The following NLK variants were observed in gnomAD, a reference collection of about 807,000 sequenced individuals.
NLK encodes the protein nemo like kinase, also known as serine/threonine-protein kinase NLK.
In NLK, 11 loss-of-function variants were observed where a neutral mutation model predicts 59.0. That is an observed-to-expected ratio of 0.19 (90% confidence interval 0.12 to 0.31). NLK has a LOEUF of 0.31. Among genes scored for constraint, NLK ranks in the 10% least tolerant of loss-of-function variants. NLK has a pLI of 1.00. For missense variants in NLK, 410 were observed against 661.1 expected (o/e 0.62, Z 4.16); for synonymous variants, 235 against 235.9 (o/e 1.00, Z 0.03).
chr17:28,085,654 C>G (rs1211347160), intron 1 of NLK, among the ~76,000 whole-genome samples: 1 of 152,078 alleles, frequency 6.6e-6, no homozygotes, highest in Non-Finnish European at 1.5e-5. Context: ...GACAGGAGAA[C>G]CGCTTGAACC....
chr17:28,110,771 C>G (rs1181068747), intron 1 of NLK, among the ~76,000 whole-genome samples: 1 of 151,932 alleles, frequency 6.6e-6, no homozygotes, highest in African/African-American at 2.4e-5. Context: ...GTTGATATTC[C>G]CTGTTGAGTC....
chr17:28,098,787 A>C (rs1904798878), intron 1 of NLK, among the ~76,000 whole-genome samples: 1 of 142,890 alleles, frequency 7.0e-6, no homozygotes, highest in Non-Finnish European at 1.5e-5. Context: ...GGTTCAAGTG[A>C]TTTTCCTGCC....
chr17:28,135,733 T>C (rs1182946015), intron 3 of NLK, among the ~76,000 whole-genome samples: 1 of 152,188 alleles, frequency 6.6e-6, no homozygotes, highest in Non-Finnish European at 1.5e-5. Flanking sequence ...GCCAAAGATA[T>C]TTAGGTTCTC....
chr17:28,197,899 GACTTT>G (rs1567745148), downstream of NLK, among the ~76,000 whole-genome samples: 2 of 152,168 alleles, frequency 1.3e-5, no homozygotes, highest in East Asian at 1.9e-4. Flanking sequence ...AAAGGGGACT[GACTTT>G]ACTTCAAGAA....
intron 10 of NLK, 85 bp from the exon 11 acceptor site, chr17:28,194,497 G>A: frequency 1.1e-6 from 1 of 919,670 alleles, no homozygotes; most frequent in South Asian, 1.9e-5. Context: ...TTTTTCAGAG[G>A]AAGAGAGGAA....
intron 1 of NLK, among the ~76,000 whole-genome samples, chr17:28,090,739 G>T (rs1210139048): frequency 5.9e-5 from 9 of 151,624 alleles, no homozygotes. Flanking sequence ...ATTTTTGCTG[G>T]GTATGCAATT....
chr17:28,172,027 A>C (rs2142057371), intron 6 of NLK, among the ~76,000 whole-genome samples: 1 of 151,584 alleles, frequency 6.6e-6, no homozygotes, highest in Non-Finnish European at 1.5e-5. Flanking sequence ...TAGGAATGGA[A>C]TATATAGGAT....
At chr17:28,121,520 T>TC (rs1906057219) in intron 1 of NLK, among the ~76,000 whole-genome samples, 1 of 143,556 alleles carries the variant, frequency 7.0e-6, no homozygotes, top group Non-Finnish European at 1.5e-5. Flanking sequence ...TTTTTTTTTT[T>TC]GAGACAGAGT....
intron 7 of NLK, among the ~76,000 whole-genome samples, chr17:28,177,818 A>G (rs909281430): frequency 2.1e-4 from 32 of 152,216 alleles, no homozygotes; most frequent in Non-Finnish European, 5.9e-5. Flanking sequence ...TCTGGAGCAG[A>G]TAGAGTAGCT....
intron 1 of NLK, among the ~76,000 whole-genome samples, chr17:28,071,972 T>G (rs909270881): frequency 4.6e-5 from 7 of 152,216 alleles, no homozygotes; most frequent in African/African-American, 1.7e-4. Context: ...TTCATTTACG[T>G]TCTTTGAGTT....
At chr17:28,168,803 A>G in intron 6 of NLK, 146 bp downstream of exon 6, 1 of 628,834 alleles carries the variant, frequency 1.6e-6, no homozygotes, top group Non-Finnish European at 2.8e-6. Flanking sequence ...AGAAAGTTAT[A>G]AAGTTGAAGA....
chr17:28,078,276 T>G (rs1910234118), intron 1 of NLK, among the ~76,000 whole-genome samples: 1 of 152,204 alleles, frequency 6.6e-6, no homozygotes, highest in Non-Finnish European at 1.5e-5. Flanking sequence ...CATGCCTTTT[T>G]TCAAGCATTG....
chr17:28,149,209 C>T (rs1907382225), intron 3 of NLK, among the ~76,000 whole-genome samples: 2 of 152,062 alleles, frequency 1.3e-5, no homozygotes, highest in African/African-American at 2.4e-5. Context: ...AATACAGGTG[C>T]GCACCACCAC....
chr17:28,156,995 G>T (rs999692978), intron 3 of NLK, among the ~76,000 whole-genome samples: 1 of 151,936 alleles, frequency 6.6e-6, no homozygotes, highest in Non-Finnish European at 1.5e-5. Context: ...TGAACATTTA[G>T]TCTATTTTGT....
rs201262370 is a variant in NLK, at chr17:28,122,780, A to G, written c.588+48A>G. ...GGAAACTATTTCCTAAGCCTCCTGC[A>G]TTGAATTAGTAAAGAGCAGATGAAA... On this transcript the variant is annotated intron_variant, in intron 2 of 10. Transcript: ENST00000407008. The G allele has an allele frequency of 3.1e-6, 5 of 1,607,268 alleles. No individual in the cohort carries two copies. The Admixed American group carries it at 6.7e-5, about 22-fold the overall frequency.
intron 9 of NLK, among the ~76,000 whole-genome samples, chr17:28,191,509 A>G (rs1909306394): frequency 6.6e-6 from 1 of 152,228 alleles, no homozygotes; most frequent in South Asian, 2.1e-4. Context: ...CATTGATTCA[A>G]ACGTATTGAA....
chr17:28,185,606 A>G (rs1909085710), intron 8 of NLK, among the ~76,000 whole-genome samples: 1 of 152,066 alleles, frequency 6.6e-6, no homozygotes, highest in Non-Finnish European at 1.5e-5. Context: ...TGGAGTGCAG[A>G]GGTGTGATCT....
intron 3 of NLK, among the ~76,000 whole-genome samples, chr17:28,145,432 C>T (rs1333139979): frequency 6.6e-6 from 1 of 152,136 alleles, no homozygotes; most frequent in Admixed American, 6.5e-5. Context: ...AGAGGTCTCA[C>T]AGAAACTAGT....
chr17:28,138,355 C>T (rs1906847724), intron 3 of NLK, among the ~76,000 whole-genome samples: 1 of 152,100 alleles, frequency 6.6e-6, no homozygotes, highest in Non-Finnish European at 1.5e-5. Flanking sequence ...GTGGAGTGTC[C>T]GTACACGCTG....
Sources: gnomAD v4.1 joint callset for allele counts (sites outside exome capture counted in the v4.1 genomes callset) on GRCh38, gnomAD v4.1.1 for gene constraint, MANE v1.5 for transcripts, NCBI Gene and HGNC (gene_info 2026-07-23, HGNC 2026-07-21) for gene names.